EIF2AK4: variants seen among roughly 807,000 people sequenced by gnomAD.
EIF2AK4 encodes eIF-2-alpha kinase GCN2.
In EIF2AK4, 139 loss-of-function variants were observed where a neutral mutation model predicts 211.1. The observed-to-expected ratio is 0.66, with a 90% CI of 0.57 to 0.76. The LOEUF (loss-of-function observed/expected upper bound fraction) is 0.76, where lower values mean the gene tolerates loss of function less well. EIF2AK4 is among the 30% of genes least tolerant of loss of function. EIF2AK4 has a pLI of 0.00. For missense variants in EIF2AK4, 1,664 were observed against 2,043.8 expected (o/e 0.81, Z 3.58); for synonymous variants, 710 against 751.3 (o/e 0.94, Z 0.90).
At chr15:39,992,637 T>C in intron 17 of EIF2AK4, 132 bp from the exon 18 acceptor site, 2 of 724,808 alleles carry the variant, frequency 2.8e-6, no homozygotes, top group South Asian at 3.4e-5. Flanking sequence ...CAATGCATGC[T>C]CTGCTTCCTG....
intron 24 of EIF2AK4, 121 bp downstream of exon 24, chr15:40,007,186 A>G (rs2035173272): frequency 4.4e-6 from 4 of 914,920 alleles, no homozygotes; most frequent in Non-Finnish European, 6.6e-6. Flanking sequence ...TGGGTTCAGA[A>G]TATTGAGCTT....
At chr15:40,005,612 C>G (rs1207866295) in intron 23 of EIF2AK4, among the ~76,000 whole-genome samples, 2 of 151,010 alleles carry the variant, frequency 1.3e-5, no homozygotes, top group Admixed American at 6.6e-5. Flanking sequence ...CACTCTGTCT[C>G]TCAGGCTGGA....
chr15:39,978,564 C>G (rs2034733555), intron 13 of EIF2AK4, among the ~76,000 whole-genome samples: 1 of 152,188 alleles, frequency 6.6e-6, no homozygotes, highest in Non-Finnish European at 1.5e-5. Context: ...CATAGACCAT[C>G]CTCTAGAACA....
At position 39,955,705 on chromosome 15, in the gene EIF2AK4, A is replaced by G; in HGVS notation, c.680A>G (p.His227Arg). 1 of 1,613,232 alleles carries G rather than the reference A, an allele frequency of 6.2e-7. No individual in the cohort carries two copies. The highest frequency in any genetic ancestry group is 8.5e-7 in the Non-Finnish European group (1 of 1,179,782). The change falls in exon 6 of 39, where the codon CAT (histidine) becomes CGT (arginine). Residue 227 changes from histidine to arginine, a missense_variant. His to Arg is a conservative substitution (Grantham distance 29). This residue lies in a region of EIF2AK4 where 641 missense variants were observed against 729.6 expected (regional missense o/e 0.88). Transcript: ENST00000263791. The part of the protein sequence containing the change: ...PGGHRTAAIL[H>R]GGSPDFVGNG... Reference sequence around the variant, plus strand: ...GGACACAGAACGGCTGCCATTCTACATGGAGGCTCTCCTGACTTTGTAGGA... The same window carrying G: ...GGACACAGAACGGCTGCCATTCTACGTGGAGGCTCTCCTGACTTTGTAGGA...
At chr15:40,001,491 G>A (rs150889665) in intron 21 of EIF2AK4, among the ~76,000 whole-genome samples, 4 of 152,122 alleles carry the variant, frequency 2.6e-5, no homozygotes, top group Admixed American at 6.5e-5. Flanking sequence ...TTAGCCGTGC[G>A]TGGTGGCATG....
intron 23 of EIF2AK4, 88 bp from the exon 24 acceptor site, chr15:40,006,928 T>C (rs1595425055): frequency 2.0e-6 from 2 of 1,024,688 alleles, no homozygotes; most frequent in East Asian, 5.1e-5. Flanking sequence ...GGGTGAACTT[T>C]ATGGGACAGG....
At chr15:39,943,541 C>A in intron 3 of EIF2AK4, 56 bp downstream of exon 3, 1 of 1,372,176 alleles carries the variant, frequency 7.3e-7, no homozygotes, top group Non-Finnish European at 1.0e-6. Context: ...CATTACACCT[C>A]AAATCCAATT....
rs2034694080 is a variant in EIF2AK4 at position 39,976,519 on chromosome 15, C to T, written c.1924C>T (p.Arg642Trp). 2 of 1,612,710 alleles carry T rather than the reference C, an allele frequency of 1.2e-6. No homozygotes were observed. The highest frequency in any genetic ancestry group is 1.3e-5 in the African/African-American group (1 of 74,800). ...RIKGEVTLLS[R>W]LHHENIVRYY... ...CAAGGGCGAAGTGACACTGCTGTCA[C>T]GGCTGCACCATGAGAACATTGTGCG... The change falls in exon 12 of 39, where the codon CGG becomes TGG. Residue 642 changes from arginine (R) to tryptophan (W), a missense_variant. Physicochemically the swap from Arg to Trp is moderately radical, Grantham distance 101. This residue lies in a region of EIF2AK4 where 37 missense variants were observed against 84.0 expected (regional missense o/e 0.44). Coordinates refer to ENST00000263791, the MANE Select transcript of EIF2AK4 (RefSeq NM_001013703.4).
intron 25 of EIF2AK4, among the ~76,000 whole-genome samples, 178 bp from the exon 26 acceptor site, chr15:40,009,436 T>C (rs1289911310): frequency 6.6e-6 from 1 of 151,832 alleles, no homozygotes; most frequent in Non-Finnish European, 1.5e-5. Context: ...AATTAGAGTA[T>C]ACTCTGACTA....
At chr15:39,953,700 C>T (rs1164752142) in intron 4 of EIF2AK4, among the ~76,000 whole-genome samples, 1 of 152,204 alleles carries the variant, frequency 6.6e-6, no homozygotes, top group East Asian at 1.9e-4. Flanking sequence ...ACGCTCAAAC[C>T]TGTTTAAATG....
intron 6 of EIF2AK4, among the ~76,000 whole-genome samples, chr15:39,958,654 T>C (rs922169706): frequency 6.6e-6 from 1 of 152,222 alleles, no homozygotes; most frequent in South Asian, 2.1e-4. Flanking sequence ...TTCTTACTAA[T>C]GTTGTCTCTA....
chr15:39,972,419 C>T (rs910211804), intron 9 of EIF2AK4, among the ~76,000 whole-genome samples: 4 of 151,818 alleles, frequency 2.6e-5, no homozygotes, highest in Non-Finnish European at 5.9e-5. Context: ...TTTAAAAAAG[C>T]CTTCCCTAAA....
At chr15:39,942,691 G>A (rs553719625) in intron 2 of EIF2AK4, among the ~76,000 whole-genome samples, 2 of 152,286 alleles carry the variant, frequency 1.3e-5, no homozygotes, top group South Asian at 4.1e-4. Context: ...TGAAAGTGTT[G>A]ACTTAGATGA....
At chr15:40,033,778 G>A (rs745925281) in intron 37 of EIF2AK4, among the ~76,000 whole-genome samples, 7 of 152,198 alleles carry the variant, frequency 4.6e-5, no homozygotes, top group Admixed American at 1.3e-4. Flanking sequence ...TGTAATCCCA[G>A]CACTTTGGGA....
At position 40,021,042 on chromosome 15, in the gene EIF2AK4, A is replaced by G. The variant is rs770386516; in HGVS notation, c.4302+15A>G. The G allele has an allele frequency of 6.2e-7, 1 of 1,610,112 alleles. No homozygotes were observed. The highest frequency in any genetic ancestry group is 1.1e-5 in the South Asian group (1 of 90,350). ...ACTGGTCACAGGTAATGGGACAAAA[A>G]GCACCTGTGAGTGAAGTGCAAATTG... On this transcript the variant is annotated intron_variant, in intron 31 of 38. Coordinates refer to ENST00000263791, the MANE Select transcript of EIF2AK4 (RefSeq NM_001013703.4).
At position 39,993,138 on chromosome 15, in the gene EIF2AK4, A is replaced by G. The variant is rs11070242; in HGVS notation, c.2766+290A>G. ...CATCCACCCATCCATCCACCCACCC[A>G]TCCATCCACCTGTCCATCCACCCGT... On this transcript the variant is annotated intron_variant, in intron 18 of 38. Transcript: ENST00000263791. 0.82 allele frequency among the ~76,000 whole-genome samples: 121,007 copies of G among 147,572 alleles called. 52,208 individuals are homozygous for G. Among genetic ancestry groups the G allele is most frequent in the Non-Finnish European group, 0.98 (65,241 of 66,750 alleles).
intron 6 of EIF2AK4, among the ~76,000 whole-genome samples, chr15:39,959,731 A>G (rs16970052): frequency 0.062 from 9,448 of 152,350 alleles, 493 homozygotes; most frequent in East Asian, 0.29. Flanking sequence ...TTATGTTACT[A>G]AGTCTAGCAT....
intron 2 of EIF2AK4, among the ~76,000 whole-genome samples, chr15:39,942,336 A>C (rs1025781694): frequency 3.9e-5 from 6 of 152,158 alleles, no homozygotes; most frequent in Non-Finnish European, 8.8e-5. Context: ...TTGGGGAGGA[A>C]TCTAACCCAG....
chr15:40,016,504 G>A lies in EIF2AK4; in HGVS notation c.3762G>A (p.Leu1254=), dbSNP rs371625584. The A allele has an allele frequency of 6.2e-6, 10 of 1,613,948 alleles. No individual in the cohort carries two copies. The African/African-American group carries it at 1.3e-4, about 22-fold the overall frequency. The change falls in exon 28 of 39, where the codon CTG becomes CTA. Residue 1254 remains leucine (L), a splice_region_variant and synonymous_variant. Coordinates refer to ENST00000263791, the MANE Select transcript of EIF2AK4 (RefSeq NM_001013703.4). ...FCNLSLSSNS[L]CRLYKFIEQK... ...GACTGTGCCCCTTTGCTTTCCAGCTGTGTCGACTCTACAAGTTTATTGAAC... is the reference window on the plus strand; with the variant it reads ...GACTGTGCCCCTTTGCTTTCCAGCTATGTCGACTCTACAAGTTTATTGAAC...
Sources: gnomAD v4.1 joint callset for allele counts (sites outside exome capture counted in the v4.1 genomes callset) on GRCh38, gnomAD v4.1.1 for gene constraint, gnomAD v4.1.1 regional missense constraint, MANE v1.5 for transcripts, NCBI Gene and HGNC (gene_info 2026-07-23, HGNC 2026-07-21) for gene names.